PPIG: variants seen among roughly 807,000 people sequenced by gnomAD.
PPIG encodes the protein peptidylprolyl isomerase G, also known as peptidyl-prolyl cis-trans isomerase G.
In PPIG, 26 loss-of-function variants were observed where a neutral mutation model predicts 87.9. The observed-to-expected ratio is 0.30, with a 90% CI of 0.22 to 0.41. The LOEUF (loss-of-function observed/expected upper bound fraction) is 0.41. PPIG is among the 10% of genes least tolerant of loss of function. The probability of loss-of-function intolerance (pLI) is 1.00; values close to 1 mark genes in which losing one functional copy is unlikely to be tolerated. For synonymous variants in PPIG, 308 were observed against 276.5 expected, an observed-to-expected ratio of 1.11 and a Z score of -1.13; for missense variants, 722 against 879.4, an observed-to-expected ratio of 0.82 and a Z score of 2.26.
chr2:169,622,219 G>A (rs756240076), intron 9 of PPIG, among the ~76,000 whole-genome samples: 1 of 151,422 alleles, frequency 6.6e-6, no homozygotes, highest in Admixed American at 6.6e-5. Flanking sequence ...TCAGGAGGTC[G>A]AGACCAGCCT....
chr2:169,618,187 AT>A (rs1310886681), intron 9 of PPIG, among the ~76,000 whole-genome samples: 1 of 152,220 alleles, frequency 6.6e-6, no homozygotes, highest in Non-Finnish European at 1.5e-5. Flanking sequence ...CCATTCTTGC[AT>A]CCCAGAGGTG....
intron 9 of PPIG, among the ~76,000 whole-genome samples, chr2:169,629,562 A>G (rs1354408014): frequency 1.3e-5 from 2 of 152,190 alleles, no homozygotes; most frequent in Non-Finnish European, 2.9e-5. Flanking sequence ...AAGGTAGGTC[A>G]TTTGTCATGT....
At position 169,637,062 on chromosome 2, in the gene PPIG, G is replaced by A; in HGVS notation, c.1804G>A (p.Gly602Arg). ...RYREQEYRRR[G>R]RSRSRERRTP... ...CAGAGAACAGGAATACAGGAGAAGA[G>A]GACGGTCACGAAGCCGAGAGAGAAG... Residue 602 changes from glycine to arginine, a missense_variant, in exon 14 of 14, where the codon GGA becomes AGA. This residue lies in a region of PPIG where 476 missense variants were observed against 483.1 expected (regional missense o/e 0.99). Transcript: ENST00000260970. 6.2e-7 allele frequency: 1 copy of A among 1,613,452 alleles called. No homozygotes were observed. Among genetic ancestry groups the A allele is most frequent in the Non-Finnish European group, 8.5e-7 (1 of 1,179,828 alleles).
rs769871210 is a variant in PPIG at position 169,637,551 on chromosome 2, T to G, written c.*28T>G. 1.1e-5 allele frequency: 17 copies of G among 1,499,014 alleles called. No individual in the cohort carries two copies. Among genetic ancestry groups the G allele is most frequent in the Non-Finnish European group, 1.5e-5 (17 of 1,131,208 alleles). The allele number at this position is 1,499,014 out of a possible 1,614,324, so 92.9% of individuals were successfully genotyped here. On this transcript the variant is annotated 3_prime_UTR_variant, in exon 14 of 14. Transcript: ENST00000260970. ...GAGTTATATAAACTTACTTCCATTC[T>G]GTTTCGGATTTTAAGTTTGAGAGAC... is the stretch of plus-strand genomic sequence containing the variant.
In PPIG at chr2:169,630,586, C is replaced by T. The variant is rs112387923; in HGVS notation, c.548-188C>T. ...TTTGGATTAATAGATAAAACTTTGACCAGTGAATTCTGGAGATCTGGACTC... is the reference window on the plus strand; with the variant it reads ...TTTGGATTAATAGATAAAACTTTGATCAGTGAATTCTGGAGATCTGGACTC... On this transcript the variant is annotated intron_variant, in intron 9 of 13. Transcript: ENST00000260970. Among the ~76,000 whole-genome samples, 1,350 of 152,200 alleles carry T rather than the reference C, an allele frequency of 8.9e-3. 20 individuals are homozygous for T. The highest frequency in any genetic ancestry group is 0.031 in the African/African-American group (1,276 of 41,538).
At chr2:169,601,187 G>A (rs185576348) in intron 1 of PPIG, among the ~76,000 whole-genome samples, 6 of 152,216 alleles carry the variant, frequency 3.9e-5, no homozygotes, top group East Asian at 3.9e-4. Context: ...ATTTTATACC[G>A]TAATTTGTTC....
chr2:169,629,557 A>C (rs1281949395), intron 9 of PPIG, among the ~76,000 whole-genome samples: 1 of 152,218 alleles, frequency 6.6e-6, no homozygotes, highest in African/African-American at 2.4e-5. Flanking sequence ...CAGAAAAGGT[A>C]GGTCATTTGT....
intron 9 of PPIG, among the ~76,000 whole-genome samples, chr2:169,622,455 A>G (rs1685782676): frequency 6.6e-6 from 1 of 152,210 alleles, no homozygotes; most frequent in African/African-American, 2.4e-5. Context: ...GAAATAAATG[A>G]TGGTTTTGCC....
rs563887365 is a variant in PPIG at position 169,637,948 on chromosome 2, A to G, written c.*425A>G. ...CTTGTATAGATTTTCTGATTGCGTT[A>G]TAAATAGAGGTTTGCAGCGGTTTCT... On this transcript the variant is annotated 3_prime_UTR_variant, in exon 14 of 14. Transcript: ENST00000260970. 2.6e-5 allele frequency: 4 copies of G among 153,260 alleles called. No homozygotes were observed. The highest frequency in any genetic ancestry group is 9.6e-5 in the African/African-American group (4 of 41,598). The allele number at this position is 153,260 out of a possible 1,614,324, so 9.5% of individuals were successfully genotyped here.
chr2:169,637,585 G>T lies in PPIG; in HGVS notation c.*62G>T, dbSNP rs1309636803. 8 of 1,400,352 alleles carry T rather than the reference G, an allele frequency of 5.7e-6. No individual in the cohort carries two copies. The highest frequency in any genetic ancestry group is 7.6e-6 in the Non-Finnish European group (8 of 1,052,350). 86.7% of individuals were successfully genotyped at this position (1,400,352 alleles called of 1,614,324 possible). A position where few individuals can be genotyped will look rare whatever the true frequency, so the allele number is the denominator to read the frequency against. The stretch of plus-strand genomic sequence containing the variant: ...TTTTAAGTTTGAGAGACTTGCTAAT[G>T]AATCTCCTTTATGTTGTTTTCCTTT... On this transcript the variant is annotated 3_prime_UTR_variant, in exon 14 of 14. Coordinates refer to ENST00000260970, the MANE Select transcript of PPIG (RefSeq NM_004792.3).
chr2:169,636,466 A>C lies in PPIG; in HGVS notation c.1208A>C (p.Glu403Ala), dbSNP rs1686182257. 4.4e-6 allele frequency: 7 copies of C among 1,574,490 alleles called. No individual in the cohort carries two copies. Among genetic ancestry groups the C allele is most frequent in the Non-Finnish European group, 6.0e-6 (7 of 1,166,448 alleles). Residue 403 changes from glutamate to alanine, a missense_variant, in exon 14 of 14, where the codon GAG (glutamate) becomes GCG (alanine). By Grantham distance (107) the Glu-to-Ala change is moderately radical (BLOSUM62 -1). This residue lies in a region of PPIG where 476 missense variants were observed against 483.1 expected (regional missense o/e 0.99). Transcript: ENST00000260970. ...ENQRSPVRVK[E>A]RKITDHRNVS... ...CAGAGAAGTCCAGTTAGAGTAAAAG[A>C]GAGAAAAATAACAGATCACAGGAAT...
At position 169,636,223 on chromosome 2, in the gene PPIG, G is replaced by T; in HGVS notation, c.1149G>T (p.Gly383=). Residue 383 remains glycine (G), a synonymous_variant, in exon 13 of 14, where the codon GGG becomes GGT. Coordinates refer to ENST00000260970, the MANE Select transcript of PPIG (RefSeq NM_004792.3). ...CAAGTGGTGAAAGATGGATCAAGGG[G>T]GATAAGTAAGATTTAACTATTATTA... The part of the protein sequence containing the change: ...RVSSGERWIK[G]DKSELNEIKE... The T allele has an allele frequency of 6.3e-7, 1 of 1,591,870 alleles. No individual in the cohort carries two copies.
rs1026921796 is a variant in PPIG at position 169,638,217 on chromosome 2, T to A, written c.*694T>A. On this transcript the variant is annotated 3_prime_UTR_variant, in exon 14 of 14. Coordinates refer to ENST00000260970, the MANE Select transcript of PPIG (RefSeq NM_004792.3). ...GATGTACTGATTGAGCTTGAGTTGC[T>A]GTTATACAGCATTTGACAGGAACTA... The A allele has an allele frequency of 6.6e-6, 1 of 152,052 alleles. No individual in the cohort carries two copies. The highest frequency in any genetic ancestry group is 2.4e-5 in the African/African-American group (1 of 41,442). The allele number at this position is 152,052 out of a possible 1,614,324, so 9.4% of individuals were successfully genotyped here.
intron 1 of PPIG, among the ~76,000 whole-genome samples, chr2:169,586,646 CTCT>C (rs1439047363): frequency 4.6e-5 from 7 of 152,272 alleles, no homozygotes; most frequent in Middle Eastern, 3.4e-3. Context: ...AGGCAGCATC[CTCT>C]TCTTTATACA....
intron 1 of PPIG, among the ~76,000 whole-genome samples, chr2:169,589,627 A>C (rs1684804133): frequency 6.6e-6 from 1 of 152,068 alleles, no homozygotes; most frequent in African/African-American, 2.4e-5. Flanking sequence ...CTTGGTTGTA[A>C]ACTGAAGTGG....
chr2:169,606,253 A>G, intron 5 of PPIG, 107 bp downstream of exon 5: 1 of 815,378 alleles, frequency 1.2e-6, no homozygotes, highest in Non-Finnish European at 2.1e-6. Flanking sequence ...CTCTCACTCC[A>G]TTTAATCTTT....
Position 169,608,766 on chromosome 2 carries a change from T to C in PPIG, c.377+8T>C, listed in dbSNP as rs377318483. 5.1e-6 allele frequency: 8 copies of C among 1,572,904 alleles called. No homozygotes were observed. The African/African-American group carries it at 8.1e-5, about 16-fold the overall frequency. On this transcript the variant is annotated splice_region_variant and intron_variant, in intron 7 of 13. Coordinates refer to ENST00000260970, the MANE Select transcript of PPIG (RefSeq NM_004792.3). ...TGGTTCACAGTTCTTCATGTAAGTA[T>C]TTATTATCTGATGATTTAAAACATC...
intron 1 of PPIG, among the ~76,000 whole-genome samples, chr2:169,591,804 T>C (rs1024054363): frequency 3.3e-5 from 5 of 151,872 alleles, no homozygotes; most frequent in Admixed American, 3.3e-4. Flanking sequence ...CAAGAAAAAT[T>C]TGTCTGGATT....
At chr2:169,590,165 AGCAG>A (rs1195887898) in intron 1 of PPIG, among the ~76,000 whole-genome samples, 1 of 152,062 alleles carries the variant, frequency 6.6e-6, no homozygotes, top group Non-Finnish European at 1.5e-5. Context: ...AAAGGAAGCA[AGCAG>A]TACATGTTTA....
Sources: gnomAD v4.1 joint callset for allele counts (sites outside exome capture counted in the v4.1 genomes callset) on GRCh38, gnomAD v4.1.1 for gene constraint, gnomAD v4.1.1 regional missense constraint, MANE v1.5 for transcripts, NCBI Gene and HGNC (gene_info 2026-07-23, HGNC 2026-07-21) for gene names.